Variants in STK39 observed in about 807,000 individuals in gnomAD.
STK39 encodes serine/threonine kinase 39, also known as STE20/SPS1-related proline-alanine-rich protein kinase.
Under a neutral mutation model 77.8 loss-of-function variants are expected in STK39, and 20 were observed. The ratio of observed to expected loss-of-function variants is 0.26; its 90% confidence interval spans 0.18 to 0.37. STK39 has a LOEUF of 0.37. Ranked by LOEUF, STK39 falls within the 10% of genes least tolerant of loss-of-function variation. The probability of loss-of-function intolerance (pLI) is 1.00; values close to 1 mark genes in which losing one functional copy is unlikely to be tolerated. For synonymous variants in STK39, 246 were observed against 234.1 expected (o/e 1.05, Z -0.47); for missense variants, 479 against 656.5 (o/e 0.73, Z 2.95).
intron 10 of STK39, among the ~76,000 whole-genome samples, chr2:168,128,175 T>C (rs1379129381): frequency 1.3e-5 from 2 of 152,010 alleles, no homozygotes; most frequent in African/African-American, 4.8e-5. Flanking sequence ...GCAAAAGAAG[T>C]GTGGGCCCAA....
intron 17 of STK39, among the ~76,000 whole-genome samples, chr2:167,962,916 C>T (rs532139205): frequency 1.0e-3 from 153 of 152,192 alleles, no homozygotes; most frequent in African/African-American, 3.5e-3. Flanking sequence ...CCGAGGTTCC[C>T]GAGATGTGAA....
At chr2:168,093,013 CATGCATATTGGTCTCCT>C (rs150693691) in intron 10 of STK39, among the ~76,000 whole-genome samples, 1 of 152,308 alleles carries the variant, frequency 6.6e-6, no homozygotes, top group African/African-American at 2.4e-5. Flanking sequence ...GATTTGCAGA[CATGCATATTGGTCTCCT>C]GTGCATCTCC....
intron 16 of STK39, among the ~76,000 whole-genome samples, chr2:167,968,565 C>T (rs551055532): frequency 1.4e-4 from 21 of 152,266 alleles, no homozygotes; most frequent in South Asian, 8.3e-4. Flanking sequence ...CCAGTGAACA[C>T]GGAGTCTAAT....
intron 14 of STK39, 117 bp downstream of exon 14, chr2:168,063,383 G>A: frequency 1.1e-6 from 1 of 899,550 alleles, no homozygotes; most frequent in Non-Finnish European, 1.7e-6. Context: ...ATGGTTCGGG[G>A]AAATCAAATA....
intron 1 of STK39, among the ~76,000 whole-genome samples, chr2:168,212,488 T>C (rs1204727279): frequency 6.6e-6 from 1 of 152,196 alleles, no homozygotes; most frequent in Non-Finnish European, 1.5e-5. Flanking sequence ...TCAACCTCTC[T>C]GAGCCATGTG....
intron 8 of STK39, among the ~76,000 whole-genome samples, chr2:168,129,965 A>C (rs1687637502): frequency 6.6e-6 from 1 of 152,200 alleles, no homozygotes; most frequent in Non-Finnish European, 1.5e-5. Context: ...CAAAACACAT[A>C]AACTCCTGTA....
chr2:168,076,861 T>G (rs553098594), intron 10 of STK39, among the ~76,000 whole-genome samples: 1 of 152,290 alleles, frequency 6.6e-6, no homozygotes, highest in South Asian at 2.1e-4. Flanking sequence ...TAATGGTGCT[T>G]ATAGATGTTG....
At chr2:168,015,221 G>GGCTTGTGTTTA (rs1306535734) in intron 15 of STK39, among the ~76,000 whole-genome samples, 1 of 152,108 alleles carries the variant, frequency 6.6e-6, no homozygotes, top group Non-Finnish European at 1.5e-5. Context: ...GAGCACATGG[G>GGCTTGTGTTTA]GCACACTAAA....
At chr2:168,218,463 C>A (rs1032743106) in intron 1 of STK39, among the ~76,000 whole-genome samples, 2 of 152,192 alleles carry the variant, frequency 1.3e-5, no homozygotes, top group Non-Finnish European at 2.9e-5. Flanking sequence ...AGGGTCAGGT[C>A]ATAGGACAGC....
intron 1 of STK39, among the ~76,000 whole-genome samples, chr2:168,240,808 TG>T (rs911770368): frequency 6.6e-6 from 1 of 152,168 alleles, no homozygotes; most frequent in African/African-American, 2.4e-5. Context: ...GACAGAGATG[TG>T]GATCTGGGGC....
At chr2:168,003,796 C>A (rs6433025) in intron 16 of STK39, among the ~76,000 whole-genome samples, 9,693 of 152,192 alleles carry the variant, frequency 0.064, 1,076 homozygotes, top group African/African-American at 0.22. Flanking sequence ...TCCTTTATTC[C>A]CTGTCACCAT....
chr2:168,068,094 G>A (rs1461206349), intron 12 of STK39, among the ~76,000 whole-genome samples: 1 of 152,176 alleles, frequency 6.6e-6, no homozygotes, highest in Non-Finnish European at 1.5e-5. Context: ...AACAGTATAG[G>A]AAAACCTGCT....
chr2:168,123,423 A>G (rs1687458410), intron 10 of STK39, among the ~76,000 whole-genome samples: 1 of 152,214 alleles, frequency 6.6e-6, no homozygotes, highest in African/African-American at 2.4e-5. Flanking sequence ...GTTTTTAGGA[A>G]ATATACAGTG....
chr2:168,018,723 G>C (rs7601157), intron 14 of STK39, among the ~76,000 whole-genome samples: 4,248 of 151,996 alleles, frequency 0.028, 198 homozygotes, highest in African/African-American at 0.097. Context: ...CTGAGCATTC[G>C]CACTGTAAAG....
chr2:168,173,210 G>C (rs1401694031), intron 2 of STK39, among the ~76,000 whole-genome samples: 2 of 152,178 alleles, frequency 1.3e-5, no homozygotes, highest in African/African-American at 2.4e-5. Flanking sequence ...CCAAATGCAA[G>C]AGATGACCAA....
At chr2:167,988,306 G>A (rs16854484) in intron 16 of STK39, among the ~76,000 whole-genome samples, 7,673 of 152,162 alleles carry the variant, frequency 0.05, 694 homozygotes, top group African/African-American at 0.17. Flanking sequence ...CTGCAAAGAA[G>A]TCGCAGGCAT....
intron 12 of STK39, among the ~76,000 whole-genome samples, chr2:168,069,024 C>T (rs1273563771): frequency 6.6e-6 from 1 of 152,186 alleles, no homozygotes; most frequent in Non-Finnish European, 1.5e-5. Flanking sequence ...TCAAGCGATT[C>T]TCCTGCCTCA....
At chr2:168,215,386 G>A (rs770960387) in intron 1 of STK39, among the ~76,000 whole-genome samples, 20 of 152,098 alleles carry the variant, frequency 1.3e-4, no homozygotes, top group East Asian at 3.9e-4. Flanking sequence ...CGTAAGCCCC[G>A]TGACCACCTG....
At chr2:168,191,670 G>A (rs1689343827) in intron 1 of STK39, among the ~76,000 whole-genome samples, 1 of 152,170 alleles carries the variant, frequency 6.6e-6, no homozygotes, top group African/African-American at 2.4e-5. Context: ...TGAGAACCAT[G>A]GTTCCCTCCT....
Sources: allele counts gnomAD v4.1 joint callset (sites outside exome capture counted in the v4.1 genomes callset), GRCh38; gene constraint gnomAD v4.1.1; transcripts MANE v1.5; gene names NCBI Gene and HGNC (gene_info 2026-07-23, HGNC 2026-07-21).